Variants in EML5 observed in about 807,000 individuals in gnomAD.
EML5 encodes echinoderm microtubule-associated protein-like 5.
A neutral mutation model predicts 250.0 loss-of-function variants in EML5; 120 were observed. The observed-to-expected ratio is 0.48, with a 90% CI of 0.41 to 0.56. The LOEUF (loss-of-function observed/expected upper bound fraction) is 0.56, where lower values mean the gene tolerates loss of function less well. Among genes scored for constraint, EML5 ranks in the 20% least tolerant of loss-of-function variants. The probability of loss-of-function intolerance (pLI) is 0.00; values close to 1 mark genes in which losing one functional copy is unlikely to be tolerated. For missense variants in EML5, 2,006 were observed against 2,437.6 expected (o/e 0.82, Z 3.73); for synonymous variants, 771 against 806.5 (o/e 0.96, Z 0.75).
intron 4 of EML5, among the ~76,000 whole-genome samples, chr14:88,741,986 CTTG>C (rs1313947742): frequency 1.3e-5 from 2 of 151,938 alleles, no homozygotes; most frequent in African/African-American, 2.4e-5. Context: ...ACATAAGTGG[CTTG>C]TTTTCTTTCT....
At chr14:88,717,084 G>A (rs1487291309) in intron 8 of EML5, among the ~76,000 whole-genome samples, 1 of 152,132 alleles carries the variant, frequency 6.6e-6, no homozygotes, top group Admixed American at 6.5e-5. Flanking sequence ...GCATACAACC[G>A]AAGAATCATT....
At chr14:88,647,528 C>G (rs539951603) in intron 28 of EML5, among the ~76,000 whole-genome samples, 1 of 151,580 alleles carries the variant, frequency 6.6e-6, no homozygotes, top group Non-Finnish European at 1.5e-5. Context: ...GAGACCCCAT[C>G]TCTATAAAAA....
intron 4 of EML5, among the ~76,000 whole-genome samples, chr14:88,743,591 C>CAA: frequency 6.6e-6 from 1 of 152,114 alleles, no homozygotes; most frequent in East Asian, 1.9e-4. Flanking sequence ...AATAAAAGCT[C>CAA]AAAGAGGTTA....
At chr14:88,783,416 G>A (rs1292690093) in intron 1 of EML5, among the ~76,000 whole-genome samples, 1 of 152,152 alleles carries the variant, frequency 6.6e-6, no homozygotes, top group East Asian at 1.9e-4. Context: ...AGCTTCCACT[G>A]ATCCAAGAAA....
At chr14:88,721,559 G>A (rs2093589795) in intron 8 of EML5, among the ~76,000 whole-genome samples, 1 of 152,152 alleles carries the variant, frequency 6.6e-6, no homozygotes, top group South Asian at 2.1e-4. Context: ...AAACTGGCCA[G>A]CTATATGCGG....
intron 8 of EML5, among the ~76,000 whole-genome samples, chr14:88,724,222 C>T (rs538267866): frequency 5.3e-5 from 8 of 150,210 alleles, no homozygotes; most frequent in African/African-American, 2.0e-4. Context: ...CTGCAGTGAG[C>T]CGAGATTGCG....
At chr14:88,712,157 A>G (rs991018514) in intron 10 of EML5, 114 bp downstream of exon 10, 2 of 693,690 alleles carry the variant, frequency 2.9e-6, no homozygotes, top group African/African-American at 3.6e-5. Flanking sequence ...ACCCTTCACC[A>G]ATCAGTGTAA....
At chr14:88,652,093 T>C (rs2091655305) in intron 27 of EML5, among the ~76,000 whole-genome samples, 1 of 152,338 alleles carries the variant, frequency 6.6e-6, no homozygotes, top group East Asian at 1.9e-4. Flanking sequence ...TGCTGCATTC[T>C]AGCAAGTTAC....
chr14:88,640,706 A>G (rs763981879), intron 31 of EML5, among the ~76,000 whole-genome samples: 2 of 152,136 alleles, frequency 1.3e-5, no homozygotes, highest in Admixed American at 1.3e-4. Context: ...AAATAACAAA[A>G]TCAGAGCAGA....
intron 19 of EML5, among the ~76,000 whole-genome samples, chr14:88,686,802 C>T (rs1269020715): frequency 6.6e-6 from 1 of 152,048 alleles, no homozygotes; most frequent in Admixed American, 6.5e-5. Context: ...CACAGCAGGA[C>T]CCTGTCTCTT....
chr14:88,704,588 T>C (rs2093280400), intron 13 of EML5, among the ~76,000 whole-genome samples: 1 of 152,226 alleles, frequency 6.6e-6, no homozygotes, highest in Admixed American at 6.5e-5. Context: ...CAATGTAATG[T>C]ATTACTCTAA....
chr14:88,741,415 C>T (rs1011187331), intron 4 of EML5, among the ~76,000 whole-genome samples: 2 of 152,068 alleles, frequency 1.3e-5, no homozygotes, highest in African/African-American at 4.8e-5. Context: ...GATAGATGTC[C>T]ATGTGGAATG....
At chr14:88,738,620 T>C (rs2140227803) in intron 6 of EML5, among the ~76,000 whole-genome samples, 1 of 152,272 alleles carries the variant, frequency 6.6e-6, no homozygotes, top group Middle Eastern at 3.4e-3. Context: ...AGTGAGTACC[T>C]CTCACATCTC....
intron 36 of EML5, chr14:88,624,756 A>C (rs1215335737): frequency 1.8e-6 from 1 of 541,458 alleles, no homozygotes; most frequent in African/African-American, 1.9e-5. Context: ...ACCTCAGAAA[A>C]AGTATCACCC....
chr14:88,632,688 GT>G (rs1415241693), intron 33 of EML5, among the ~76,000 whole-genome samples: 1 of 152,236 alleles, frequency 6.6e-6, no homozygotes, highest in African/African-American at 2.4e-5. Context: ...CTTGGCCAGT[GT>G]GTAAGAACTT....
intron 6 of EML5, 52 bp from the exon 7 acceptor site, chr14:88,736,617 G>C: frequency 6.4e-7 from 1 of 1,555,824 alleles, no homozygotes; most frequent in Non-Finnish European, 8.8e-7. Flanking sequence ...AATGATAGCA[G>C]CAGGAGGCAG....
At chr14:88,737,479 T>C (rs1326276672) in intron 6 of EML5, among the ~76,000 whole-genome samples, 1 of 152,182 alleles carries the variant, frequency 6.6e-6, no homozygotes, top group African/African-American at 2.4e-5. Context: ...GCAGGGTACC[T>C]CCTGGCGAGC....
intron 31 of EML5, 45 bp downstream of exon 31, chr14:88,642,848 A>G: frequency 6.5e-7 from 1 of 1,549,648 alleles, no homozygotes; most frequent in Non-Finnish European, 8.7e-7. Context: ...CAAAATTTCT[A>G]AGTTAAAAAA....
intron 1 of EML5, among the ~76,000 whole-genome samples, chr14:88,769,430 C>T (rs1345602377): frequency 1.3e-5 from 2 of 152,204 alleles, no homozygotes; most frequent in South Asian, 2.1e-4. Flanking sequence ...ATACAACCTA[C>T]AGAACTGTGA....
Sources: gnomAD v4.1 joint callset for allele counts (sites outside exome capture counted in the v4.1 genomes callset) on GRCh38, gnomAD v4.1.1 for gene constraint, MANE v1.5 for transcripts, NCBI Gene and HGNC (gene_info 2026-07-23, HGNC 2026-07-21) for gene names.